Variants in DMD observed in about 807,000 individuals in gnomAD.
The protein encoded by DMD is dystrophin.
Under a neutral mutation model 330.1 loss-of-function variants are expected in DMD, and 63 were observed. The ratio of observed to expected loss-of-function variants is 0.19; its 90% confidence interval spans 0.16 to 0.24. The LOEUF is 0.24. DMD is among the 10% of genes least tolerant of loss of function. The pLI is 1.00. For missense variants in DMD, 3,344 were observed against 2,684.1 expected, an observed-to-expected ratio of 1.25 and a Z score of -5.43; for synonymous variants, 1,223 against 959.8, an observed-to-expected ratio of 1.27 and a Z score of -5.07.
chrX:33,321,607 G>A (rs752545787), intron 1 of DMD, among the ~76,000 whole-genome samples: 16 of 111,091 alleles, frequency 1.4e-4, no homozygotes, highest in Non-Finnish European at 3.0e-4. Flanking sequence ...TGGTAAATGA[G>A]CATTGCTTCA....
intron 1 of DMD, among the ~76,000 whole-genome samples, chrX:33,104,662 C>T: frequency 8.9e-6 from 1 of 111,928 alleles, no homozygotes; most frequent in Non-Finnish European, 1.9e-5. Context: ...AGCTTTATGG[C>T]TCACACAAAG....
intron 48 of DMD, among the ~76,000 whole-genome samples, chrX:31,859,172 T>C (rs1449197909): frequency 9.0e-6 from 1 of 111,300 alleles, no homozygotes; most frequent in Non-Finnish European, 1.9e-5. Flanking sequence ...AGTACCTGCA[T>C]AGAGATCTCA....
intron 19 of DMD, among the ~76,000 whole-genome samples, chrX:32,497,189 A>T (rs2043578772): frequency 1.8e-5 from 2 of 111,584 alleles, no homozygotes; most frequent in Admixed American, 9.6e-5. Flanking sequence ...AAAATACAAG[A>T]AAAAAAGATA....
At chrX:31,816,794 T>TCACACGCACA (rs2092638357) in intron 50 of DMD, among the ~76,000 whole-genome samples, 1 of 85,344 alleles carries the variant, frequency 1.2e-5, no homozygotes, top group African/African-American at 4.5e-5. Flanking sequence ...CAAGATTCTG[T>TCACACGCACA]CACACACACA....
intron 55 of DMD, among the ~76,000 whole-genome samples, chrX:31,618,001 C>G (rs936885926): frequency 5.4e-5 from 6 of 111,340 alleles, no homozygotes; most frequent in African/African-American, 2.0e-4. Flanking sequence ...TATATTCTCA[C>G]TTATAAGTGG....
intron 9 of DMD, among the ~76,000 whole-genome samples, chrX:32,684,643 G>A (rs952301442): frequency 1.3e-4 from 14 of 111,241 alleles, no homozygotes; most frequent in Admixed American, 1.2e-3. Flanking sequence ...TATTATCACT[G>A]TTTCAATCTG....
intron 59 of DMD, among the ~76,000 whole-genome samples, chrX:31,471,465 C>T (rs1449392256): frequency 8.9e-6 from 1 of 111,856 alleles, no homozygotes; most frequent in African/African-American, 3.3e-5. Flanking sequence ...TCTGCGCCCT[C>T]TGTGGGCTGC....
chrX:31,889,771 A>C (rs1268820616), intron 47 of DMD, among the ~76,000 whole-genome samples: 1 of 109,023 alleles, frequency 9.2e-6, no homozygotes, highest in Non-Finnish European at 1.9e-5. Flanking sequence ...CAAAGGCTCT[A>C]CAAAGTAGCA....
chrX:32,804,147 G>T (rs1174439240), intron 7 of DMD, among the ~76,000 whole-genome samples: 1 of 111,514 alleles, frequency 9.0e-6, no homozygotes, highest in Non-Finnish European at 1.9e-5. Flanking sequence ...CCCCTGGAAA[G>T]GGGGCTGAAA....
At chrX:33,238,912 G>T (rs1411222018) in intron 1 of DMD, among the ~76,000 whole-genome samples, 1 of 110,808 alleles carries the variant, frequency 9.0e-6, no homozygotes, top group Non-Finnish European at 1.9e-5. Context: ...ATGCACCCTT[G>T]CTACTTACCA....
At chrX:33,338,693 C>G (rs974553211) in intron 1 of DMD, among the ~76,000 whole-genome samples, 22 of 110,484 alleles carry the variant, frequency 2.0e-4, no homozygotes, top group African/African-American at 6.9e-4. Context: ...GTTGAAAAAC[C>G]CTGCAGGAGA....
intron 63 of DMD, among the ~76,000 whole-genome samples, chrX:31,260,258 C>T (rs1347647276): frequency 1.8e-5 from 2 of 111,494 alleles, no homozygotes; most frequent in Non-Finnish European, 3.8e-5. Context: ...AAACCCAAAA[C>T]AAGCTGCAAC....
chrX:31,768,765 T>C (rs952398469), intron 51 of DMD, among the ~76,000 whole-genome samples: 12 of 112,329 alleles, frequency 1.1e-4, no homozygotes, highest in African/African-American at 3.6e-4. Flanking sequence ...TCCACTGCTA[T>C]TGATTCACAA....
chrX:33,011,166 ATTC>A (rs2093694850), intron 2 of DMD, among the ~76,000 whole-genome samples: 1 of 111,383 alleles, frequency 9.0e-6, no homozygotes, highest in Non-Finnish European at 1.9e-5. Flanking sequence ...GGGCAGTCTA[ATTC>A]TTCTATCATT....
At chrX:31,416,702 C>T (rs768930783) in intron 60 of DMD, among the ~76,000 whole-genome samples, 17 of 112,179 alleles carry the variant, frequency 1.5e-4, no homozygotes, top group Non-Finnish European at 5.6e-5. Context: ...CATGAAGCTG[C>T]GGCTTGAGGT....
chrX:32,864,095 T>G (rs909135094), intron 2 of DMD, among the ~76,000 whole-genome samples: 1 of 112,676 alleles, frequency 8.9e-6, no homozygotes, highest in African/African-American at 3.2e-5. Context: ...CAATTTCCAA[T>G]TCTGAAGTCA....
At chrX:31,868,264 T>A (rs1053862533) in intron 48 of DMD, among the ~76,000 whole-genome samples, 4 of 112,327 alleles carry the variant, frequency 3.6e-5, no homozygotes, top group Admixed American at 9.4e-5. Context: ...ATATTCCTCA[T>A]GTTTTAATGT....
At chrX:31,887,247 T>C (rs2094167873) in intron 47 of DMD, among the ~76,000 whole-genome samples, 1 of 112,414 alleles carries the variant, frequency 8.9e-6, no homozygotes, top group South Asian at 3.7e-4. Flanking sequence ...TGGAGCTTAC[T>C]ACAATTTCTT....
In DMD at chrX:31,287,643, TAG is replaced by T. The variant is rs918953818; in HGVS notation, c.9225-26629_9225-26628del. On this transcript the variant is annotated intron_variant, in intron 62 of 78. Coordinates refer to ENST00000357033, the MANE Select transcript of DMD (RefSeq NM_004006.3). ...TGATGGGAGAAGAAAGCATAATCTA[TAG>T]GAGGACAGGTATAAATCCTCTTTTT... Among the ~76,000 whole-genome samples the T allele has an allele frequency of 3.6e-5, 4 of 112,230 alleles. No individual in the cohort carries two copies. In the Admixed American group the frequency reaches 3.8e-4, roughly 11 times the overall value.
Sources: gnomAD v4.1 joint callset for allele counts (sites outside exome capture counted in the v4.1 genomes callset) on GRCh38, gnomAD v4.1.1 for gene constraint, MANE v1.5 for transcripts, NCBI Gene and HGNC (gene_info 2026-07-23, HGNC 2026-07-21) for gene names.